SH3GL2: variants seen among roughly 807,000 people sequenced by gnomAD.
SH3GL2 encodes endophilin-A1.
Under a neutral mutation model 46.0 loss-of-function variants are expected in SH3GL2, and 24 were observed. The observed-to-expected ratio is 0.52, with a 90% CI of 0.38 to 0.73. The LOEUF is 0.73. Among genes scored for constraint, SH3GL2 ranks in the 30% least tolerant of loss-of-function variants. The pLI, the probability that SH3GL2 is intolerant of heterozygous loss-of-function variation, is 0.00. For missense variants in SH3GL2, 413 were observed against 424.2 expected (o/e 0.97, Z 0.23); for synonymous variants, 196 against 147.1 (o/e 1.33, Z -2.40).
intron 1 of SH3GL2, among the ~76,000 whole-genome samples, chr9:17,616,731 T>G (rs1429081275): frequency 6.6e-6 from 1 of 152,236 alleles, no homozygotes; most frequent in Non-Finnish European, 1.5e-5. Flanking sequence ...TTGAATATAG[T>G]AAGTCCCTTT....
chr9:17,645,079 G>A (rs1316258589), intron 1 of SH3GL2, among the ~76,000 whole-genome samples: 1 of 148,132 alleles, frequency 6.8e-6, no homozygotes, highest in African/African-American at 2.5e-5. Context: ...ATTATGTAAT[G>A]TCCTTCTTTG....
chr9:17,627,271 T>C (rs1819304687), intron 1 of SH3GL2, among the ~76,000 whole-genome samples: 1 of 152,172 alleles, frequency 6.6e-6, no homozygotes, highest in African/African-American at 2.4e-5. Flanking sequence ...CTCCAAAGCT[T>C]AGATAGTGCC....
chr9:17,638,213 A>G (rs550498308), intron 1 of SH3GL2, among the ~76,000 whole-genome samples: 68 of 152,224 alleles, frequency 4.5e-4, no homozygotes, highest in African/African-American at 1.4e-3. Flanking sequence ...ATGTTTTGCA[A>G]GATATCCTAG....
intron 1 of SH3GL2, among the ~76,000 whole-genome samples, chr9:17,646,682 G>A (rs1240361629): frequency 6.6e-6 from 1 of 152,160 alleles, no homozygotes; most frequent in Non-Finnish European, 1.5e-5. Flanking sequence ...GGCCCTGTTT[G>A]CCTCGGTATC....
chr9:17,644,490 C>A (rs117360241), intron 1 of SH3GL2, among the ~76,000 whole-genome samples: 1 of 152,120 alleles, frequency 6.6e-6, no homozygotes, highest in Non-Finnish European at 1.5e-5. Flanking sequence ...CCTGTAAACA[C>A]GCTTTGGCTG....
At chr9:17,786,151 C>A (rs1372299694) in intron 3 of SH3GL2, among the ~76,000 whole-genome samples, 1 of 152,116 alleles carries the variant, frequency 6.6e-6, no homozygotes, top group Non-Finnish European at 1.5e-5. Context: ...TCATCCAGAA[C>A]AGAATTGCTG....
intron 1 of SH3GL2, among the ~76,000 whole-genome samples, chr9:17,582,807 G>A (rs564333986): frequency 2.0e-5 from 3 of 152,312 alleles, no homozygotes; most frequent in East Asian, 1.9e-4. Context: ...ATTCGAGGCT[G>A]CCTTCTTAGC....
chr9:17,672,763 A>G (rs1820505371), intron 1 of SH3GL2, among the ~76,000 whole-genome samples: 1 of 151,970 alleles, frequency 6.6e-6, no homozygotes, highest in Non-Finnish European at 1.5e-5. Context: ...ATATAAATAC[A>G]TCTCTTTTTA....
At chr9:17,643,475 G>C (rs1410056586) in intron 1 of SH3GL2, among the ~76,000 whole-genome samples, 1 of 152,162 alleles carries the variant, frequency 6.6e-6, no homozygotes, top group Non-Finnish European at 1.5e-5. Context: ...AATGCTTCCA[G>C]CTTTTGCCCA....
At chr9:17,674,290 G>A (rs187660269) in intron 1 of SH3GL2, among the ~76,000 whole-genome samples, 55 of 152,034 alleles carry the variant, frequency 3.6e-4, no homozygotes, top group African/African-American at 1.2e-3. Context: ...TTTTTAAGAC[G>A]GAGTCTCTCT....
intron 2 of SH3GL2, among the ~76,000 whole-genome samples, chr9:17,756,336 A>G (rs1473441656): frequency 6.6e-6 from 1 of 151,802 alleles, no homozygotes; most frequent in Non-Finnish European, 1.5e-5. Flanking sequence ...ATTTTTTATT[A>G]TACTTTAAGT....
chr9:17,695,520 C>T (rs1821180573), intron 1 of SH3GL2, among the ~76,000 whole-genome samples: 1 of 152,074 alleles, frequency 6.6e-6, no homozygotes, highest in African/African-American at 2.4e-5. Context: ...AATGCAATTG[C>T]TTAGATCTCA....
chr9:17,648,010 A>C (rs2134659481), intron 1 of SH3GL2, among the ~76,000 whole-genome samples: 2 of 152,254 alleles, frequency 1.3e-5, no homozygotes, highest in South Asian at 4.1e-4. Flanking sequence ...GTAAATATAT[A>C]TTCTCTTCCT....
intron 1 of SH3GL2, among the ~76,000 whole-genome samples, chr9:17,744,241 G>A (rs1822616341): frequency 6.6e-6 from 1 of 152,162 alleles, no homozygotes; most frequent in Non-Finnish European, 1.5e-5. Flanking sequence ...ATGAGAGATA[G>A]GGAATCAGTG....
At chr9:17,599,055 AAAG>A (rs1267951711) in intron 1 of SH3GL2, among the ~76,000 whole-genome samples, 1 of 152,248 alleles carries the variant, frequency 6.6e-6, no homozygotes, top group Non-Finnish European at 1.5e-5. Flanking sequence ...AATCATCAAA[AAAG>A]AATAGATTAT....
At position 17,656,203 on chromosome 9, in the gene SH3GL2, G is replaced by A. The variant is rs1405169898; in HGVS notation, c.45+76916G>A. On this transcript the variant is annotated intron_variant, in intron 1 of 8. Coordinates refer to ENST00000380607, the MANE Select transcript of SH3GL2 (RefSeq NM_003026.5). ...TATTGTATCATTTATCATTTCTATT[G>A]GAATGTTTTTATTTTAATTACTTTG... Among the ~76,000 whole-genome samples the A allele has an allele frequency of 2.6e-5, 4 of 151,920 alleles. No individual in the cohort carries two copies. The East Asian group carries it at 7.7e-4, about 29-fold the overall frequency.
At chr9:17,607,497 T>A (rs975771053) in intron 1 of SH3GL2, among the ~76,000 whole-genome samples, 4 of 152,190 alleles carry the variant, frequency 2.6e-5, no homozygotes, top group Non-Finnish European at 4.4e-5. Flanking sequence ...AGTTATGACA[T>A]AGCTGAGTTT....
rs370209740 is a variant in SH3GL2, at chr9:17,795,537, C to A, written c.860-7C>A. Reference sequence around the variant, plus strand: ...GTTCTTCTCTTCTCTCCTGCTCTTACTCCCAGGTGTCCAAATGGATCAGCC... The same window carrying A: ...GTTCTTCTCTTCTCTCCTGCTCTTAATCCCAGGTGTCCAAATGGATCAGCC... On this transcript the variant is annotated splice_polypyrimidine_tract_variant and splice_region_variant and intron_variant, in intron 8 of 8. Transcript: ENST00000380607. The A allele has an allele frequency of 2.2e-5, 36 of 1,611,510 alleles. No individual in the cohort carries two copies. The African/African-American group carries it at 4.0e-4, about 18-fold the overall frequency.
chr9:17,687,546 T>G (rs931715144), intron 1 of SH3GL2, among the ~76,000 whole-genome samples: 1 of 151,794 alleles, frequency 6.6e-6, no homozygotes, highest in Non-Finnish European at 1.5e-5. Flanking sequence ...TACAGCATAG[T>G]GGAGTTAAAA....
Sources: gnomAD v4.1 joint callset for allele counts (sites outside exome capture counted in the v4.1 genomes callset) on GRCh38, gnomAD v4.1.1 for gene constraint, MANE v1.5 for transcripts, NCBI Gene and HGNC (gene_info 2026-07-23, HGNC 2026-07-21) for gene names.